BMP7: variants seen among roughly 807,000 people sequenced by gnomAD.
The protein encoded by BMP7 is osteogenic protein 1.
BMP7 carries 12 observed loss-of-function variants against 41.2 expected under a neutral mutation model. The observed-to-expected ratio is 0.29, with a 90% CI of 0.19 to 0.47. The LOEUF (loss-of-function observed/expected upper bound fraction) is 0.47, where lower values mean the gene tolerates loss of function less well. BMP7 is among the 20% of genes least tolerant of loss of function. The pLI is 0.99. For synonymous variants in BMP7, 248 were observed against 250.0 expected (o/e 0.99, Z 0.07); for missense variants, 467 against 606.0 (o/e 0.77, Z 2.41).
rs954331523 is a variant in BMP7, at chr20:57,212,738, G to A, written c.612-10115C>T. On this transcript the variant is annotated intron_variant, in intron 2 of 6. Transcript: ENST00000395863. ...CCGCCGTGCACCTGGAGTCAGCCCA[G>A]CAGCAACCCCAGCCTGCAGGGAAGC... 3.9e-5 allele frequency among the ~76,000 whole-genome samples: 6 copies of A among 152,338 alleles called. No individual in the cohort carries two copies. In the South Asian group the frequency reaches 1.2e-3, roughly 32 times the overall value.
chr20:57,238,723 G>A (rs981479933), intron 1 of BMP7, among the ~76,000 whole-genome samples: 5 of 152,002 alleles, frequency 3.3e-5, no homozygotes, highest in African/African-American at 1.2e-4. Flanking sequence ...AGGTTAAATT[G>A]GACTTGCAGC....
chr20:57,206,450 C>T (rs554500981), intron 2 of BMP7, among the ~76,000 whole-genome samples: 14 of 152,266 alleles, frequency 9.2e-5, no homozygotes, highest in East Asian at 7.7e-4. Context: ...CAGGCGACAG[C>T]GCAGGAAACC....
intron 3 of BMP7, among the ~76,000 whole-genome samples, chr20:57,192,944 C>A (rs146632721): frequency 4.6e-5 from 7 of 152,230 alleles, no homozygotes; most frequent in African/African-American, 1.7e-4. Context: ...GGCTTTCCTG[C>A]GGTATAATAA....
intron 3 of BMP7, among the ~76,000 whole-genome samples, chr20:57,198,056 C>CCTCTCCTCTCCCCTCCTCTCCTCTCG (rs763438944): frequency 0.026 from 3,942 of 149,192 alleles, 113 homozygotes; most frequent in Non-Finnish European, 0.042. Flanking sequence ...CCTTGCCTCT[C>CCTCTCCTCTCCCCTCCTCTCCTCTCG]CTCTCCTCTC....
intron 2 of BMP7, among the ~76,000 whole-genome samples, chr20:57,209,265 ATATATATATATATATATATATG>A (rs1984823035): frequency 7.9e-6 from 1 of 125,984 alleles, no homozygotes; most frequent in South Asian, 2.4e-4. Context: ...ATATATATAT[ATATATATATATATATATATATG>A]TATATAAATT....
intron 3 of BMP7, among the ~76,000 whole-genome samples, chr20:57,195,227 G>A (rs1439649457): frequency 3.9e-5 from 6 of 152,196 alleles, no homozygotes; most frequent in Non-Finnish European, 5.9e-5. Context: ...GCCCACCCAC[G>A]CCGCACAGGG....
intron 4 of BMP7, among the ~76,000 whole-genome samples, chr20:57,180,762 T>C (rs1312822895): frequency 2.6e-5 from 4 of 151,820 alleles, no homozygotes; most frequent in Non-Finnish European, 5.9e-5. Flanking sequence ...ATATACGGAA[T>C]CCCTACACAC....
rs2066153749 is a variant in BMP7 at position 57,261,475 on chromosome 20, A to G, written c.418+4230T>C. Among the ~76,000 whole-genome samples, 1 of 152,210 alleles carries G rather than the reference A, an allele frequency of 6.6e-6. No individual in the cohort carries two copies. The highest frequency in any genetic ancestry group is 2.4e-5 in the African/African-American group (1 of 41,450). ...AGAAGGAAAATACATAGAAAATGAAAAAAGTTCAAAGCTGGGTCACATACA... is the reference window on the plus strand; with the variant it reads ...AGAAGGAAAATACATAGAAAATGAAGAAAGTTCAAAGCTGGGTCACATACA... On this transcript the variant is annotated intron_variant, in intron 1 of 6. Transcript: ENST00000395863. The surrounding 1 kb of genome is among the most constrained non-coding windows in gnomAD (Gnocchi z 4.1).
chr20:57,264,094 G>T (rs1043948524), intron 1 of BMP7, among the ~76,000 whole-genome samples: 3 of 152,154 alleles, frequency 2.0e-5, no homozygotes, highest in Admixed American at 6.5e-5. Flanking sequence ...AAACTTTTTT[G>T]AAGGTATTTT....
At chr20:57,238,209 C>T (rs972721092) in intron 1 of BMP7, among the ~76,000 whole-genome samples, 3 of 152,162 alleles carry the variant, frequency 2.0e-5, no homozygotes, top group African/African-American at 4.8e-5. Context: ...TGGAATCACA[C>T]AGTATTTGTC....
At position 57,174,270 on chromosome 20, in the gene BMP7, C is replaced by T. The variant is rs1983873615; in HGVS notation, c.1035+661G>A. 6.6e-6 allele frequency among the ~76,000 whole-genome samples: 1 copy of T among 152,198 alleles called. No homozygotes were observed. The highest frequency in any genetic ancestry group is 2.1e-4 in the South Asian group (1 of 4,828). ...TGAGCCCCACAGGGCAGACACATTG[C>T]AGTGTTCATCGCTGCATCTCCAATC... On this transcript the variant is annotated intron_variant, in intron 5 of 6. Transcript: ENST00000395863. This position sits in a 1 kb window ranked among gnomAD's most constrained non-coding sequence, Gnocchi z 4.3.
At position 57,174,649 on chromosome 20, in the gene BMP7, C is replaced by T. The variant is rs1160547577; in HGVS notation, c.1035+282G>A. Among the ~76,000 whole-genome samples, 1 of 152,186 alleles carries T rather than the reference C, an allele frequency of 6.6e-6. No individual in the cohort carries two copies. Among genetic ancestry groups the T allele is most frequent in the East Asian group, 1.9e-4 (1 of 5,186 alleles). ...CACGGCCCGGCATCATCTTGAGAAG[C>T]AGCCAGCCAAGGGATGGGAATGAGG... is the stretch of plus-strand genomic sequence containing the variant. On this transcript the variant is annotated intron_variant, in intron 5 of 6. Transcript: ENST00000395863. The surrounding 1 kb of genome is among the most constrained non-coding windows in gnomAD (Gnocchi z 4.3).
At position 57,173,048 on chromosome 20, in the gene BMP7, AT is replaced by A. The variant is rs200005274; in HGVS notation, c.1146+151del. 1.1e-3 allele frequency: 808 copies of A among 745,990 alleles called. 3 individuals are homozygous for A. The highest frequency in any genetic ancestry group is 5.6e-3 in the African/African-American group (319 of 57,296). The allele number at this position is 745,990 out of a possible 1,614,324, so 46.2% of individuals were successfully genotyped here. A position where few individuals can be genotyped will look rare whatever the true frequency, so the allele number is the denominator to read the frequency against. The stretch of plus-strand genomic sequence containing the variant: ...AACCAGTCATAAAGTACAATTTTTG[AT>A]TTTTTTTTAACGGCGCAAGGGGCCC... On this transcript the variant is annotated intron_variant, in intron 6 of 6. Transcript: ENST00000395863.
chr20:57,174,702 C>T lies in BMP7; in HGVS notation c.1035+229G>A, dbSNP rs1983883251. On this transcript the variant is annotated intron_variant, in intron 5 of 6. Coordinates refer to ENST00000395863, the MANE Select transcript of BMP7 (RefSeq NM_001719.3). This position sits in a 1 kb window ranked among gnomAD's most constrained non-coding sequence, Gnocchi z 4.3. ...CATGCAGAGAATGGGGTTCAGAGTC[C>T]AAAGTGTTTGGGTTCCTGGTTCAAG... Among the ~76,000 whole-genome samples, 2 of 152,184 alleles carry T rather than the reference C, an allele frequency of 1.3e-5. No individual in the cohort carries two copies. Among genetic ancestry groups the T allele is most frequent in the South Asian group, 4.1e-4 (2 of 4,824 alleles).
intron 1 of BMP7, among the ~76,000 whole-genome samples, chr20:57,255,481 T>C (rs942216327): frequency 2.0e-5 from 3 of 152,146 alleles, no homozygotes; most frequent in Admixed American, 6.5e-5. Flanking sequence ...ATTCAGCCTA[T>C]GCAAGATCCT....
intron 2 of BMP7, among the ~76,000 whole-genome samples, chr20:57,216,017 A>G (rs1355810979): frequency 6.6e-6 from 1 of 152,132 alleles, no homozygotes; most frequent in Non-Finnish European, 1.5e-5. Context: ...TGCAGACAGA[A>G]ACAAGTGACG....
At chr20:57,175,038 C>A (rs1983892082) in intron 4 of BMP7, 31 bp from the exon 5 acceptor site, 2 of 1,595,388 alleles carry the variant, frequency 1.3e-6, no homozygotes, top group Non-Finnish European at 1.7e-6. Context: ...AGAAGCAGAG[C>A]CCAGTGAGGA....
chr20:57,244,255 C>T (rs746027496), intron 1 of BMP7, among the ~76,000 whole-genome samples: 2 of 152,200 alleles, frequency 1.3e-5, no homozygotes, highest in Non-Finnish European at 2.9e-5. Context: ...AGAAACCCCA[C>T]TTTGAGAACC....
At position 57,254,017 on chromosome 20, in the gene BMP7, CTTTTTTT is replaced by C. The variant is rs35180643; in HGVS notation, c.418+11681_418+11687del. Among the ~76,000 whole-genome samples, 375 of 71,560 alleles carry C rather than the reference CTTTTTTT, an allele frequency of 5.2e-3. 1 individual carries two copies. The highest frequency in any genetic ancestry group is 0.024 in the Middle Eastern group (1 of 42). 46.9% of individuals were successfully genotyped at this position (71,560 alleles called of 152,430 possible). On this transcript the variant is annotated intron_variant, in intron 1 of 6. Coordinates refer to ENST00000395863, the MANE Select transcript of BMP7 (RefSeq NM_001719.3). ...ATTGTATTTTCTTTTGGTTTCTTTC[CTTTTTTT>C]TTTTTTTTTTTTTTTTTTGAGACAG...
Sources: allele counts gnomAD v4.1 joint callset (sites outside exome capture counted in the v4.1 genomes callset), GRCh38; gene constraint gnomAD v4.1.1; non-coding constraint Gnocchi (gnomAD v3.1); transcripts MANE v1.5; gene names NCBI Gene and HGNC (gene_info 2026-07-23, HGNC 2026-07-21).